The following TMEM163 variants were observed in gnomAD, a reference collection of about 807,000 sequenced individuals.
The protein encoded by TMEM163 is transmembrane protein 163.
Under a neutral mutation model 29.3 loss-of-function variants are expected in TMEM163, and 17 were observed. The observed-to-expected ratio is 0.58, with a 90% CI of 0.40 to 0.87. The LOEUF (loss-of-function observed/expected upper bound fraction) is 0.87. Ranked by LOEUF, TMEM163 falls within the 40% of genes least tolerant of loss-of-function variation. The pLI is 0.00. For synonymous variants in TMEM163, 157 were observed against 160.6 expected, an observed-to-expected ratio of 0.98 and a Z score of 0.17; for missense variants, 303 against 381.5, an observed-to-expected ratio of 0.79 and a Z score of 1.71.
At chr2:134,632,335 C>T (rs911451643) in intron 2 of TMEM163, among the ~76,000 whole-genome samples, 31 of 152,268 alleles carry the variant, frequency 2.0e-4, no homozygotes, top group Admixed American at 5.9e-4. Flanking sequence ...AACAACTGGG[C>T]TTTCAAGCAG....
chr2:134,541,870 A>G (rs1174249468), intron 4 of TMEM163, among the ~76,000 whole-genome samples: 6 of 152,140 alleles, frequency 3.9e-5, no homozygotes, highest in African/African-American at 1.4e-4. Flanking sequence ...ATAACAAGTG[A>G]GTTTCACTGT....
intron 1 of TMEM163, among the ~76,000 whole-genome samples, chr2:134,714,895 C>T (rs1034362274): frequency 6.6e-6 from 1 of 152,202 alleles, no homozygotes; most frequent in Non-Finnish European, 1.5e-5. Flanking sequence ...AAAAACCACA[C>T]TATTCCAGTT....
intron 4 of TMEM163, among the ~76,000 whole-genome samples, chr2:134,529,336 CA>C (rs987751172): frequency 8.6e-5 from 13 of 151,714 alleles, no homozygotes; most frequent in Non-Finnish European, 7.4e-5. Context: ...GTCTCAAAAA[CA>C]AAAACAAAAT....
chr2:134,649,840 C>A (rs926993741), intron 2 of TMEM163, among the ~76,000 whole-genome samples: 1 of 151,678 alleles, frequency 6.6e-6, no homozygotes, highest in Middle Eastern at 3.4e-3. Flanking sequence ...GTAGTGAACA[C>A]TTGCCTCTAC....
At chr2:134,537,857 C>T (rs2106501939) in intron 4 of TMEM163, among the ~76,000 whole-genome samples, 1 of 152,230 alleles carries the variant, frequency 6.6e-6, no homozygotes, top group South Asian at 2.1e-4. Context: ...GAACAATGAC[C>T]CACTACTTCA....
intron 5 of TMEM163, among the ~76,000 whole-genome samples, chr2:134,474,173 G>A (rs950439361): frequency 6.6e-6 from 1 of 152,160 alleles, no homozygotes; most frequent in Non-Finnish European, 1.5e-5. Context: ...ACCAAACGGG[G>A]TTTATCCTGG....
chr2:134,623,355 T>C (rs1038412636), intron 2 of TMEM163, among the ~76,000 whole-genome samples: 1 of 152,138 alleles, frequency 6.6e-6, no homozygotes, highest in Non-Finnish European at 1.5e-5. Context: ...AAGACTTCCA[T>C]TTATACTTTT....
intron 2 of TMEM163, among the ~76,000 whole-genome samples, chr2:134,595,243 C>T (rs1199887512): frequency 6.6e-6 from 1 of 152,014 alleles, no homozygotes; most frequent in South Asian, 2.1e-4. Context: ...AGGTATATCT[C>T]CTAATGCTAT....
intron 5 of TMEM163, chr2:134,466,455 G>A (rs1686671346): frequency 1.4e-5 from 7 of 489,456 alleles, no homozygotes; most frequent in Non-Finnish European, 2.6e-5. Flanking sequence ...AAACCATTAC[G>A]TATTTATTTT....
chr2:134,712,027 G>A (rs1178854607), intron 2 of TMEM163, among the ~76,000 whole-genome samples: 1 of 152,222 alleles, frequency 6.6e-6, no homozygotes, highest in Non-Finnish European at 1.5e-5. Context: ...GTGGGGGCAA[G>A]GGGAAGGAGT....
In TMEM163 at chr2:134,704,473, CGT is replaced by C. The variant is rs1684764550; in HGVS notation, c.322+8725_322+8726del. ...TGGAAGCCATCTCAGCTTCCAGGTC[CGT>C]GTGGGACAAGCCTCTAAGGCAACAA... is the stretch of plus-strand genomic sequence containing the variant. On this transcript the variant is annotated intron_variant, in intron 2 of 7. Coordinates refer to ENST00000281924, the MANE Select transcript of TMEM163 (RefSeq NM_030923.5). Among the ~76,000 whole-genome samples the C allele has an allele frequency of 1.3e-5, 2 of 152,138 alleles. 1 individual carries two copies. The highest frequency in any genetic ancestry group is 4.1e-4 in the South Asian group (2 of 4,822).
intron 4 of TMEM163, among the ~76,000 whole-genome samples, chr2:134,528,499 A>G (rs564499828): frequency 5.6e-4 from 86 of 152,332 alleles, no homozygotes; most frequent in South Asian, 1.2e-3. Flanking sequence ...CATTGTTATG[A>G]ATGAGATAGA....
chr2:134,564,866 A>G (rs138288951), intron 2 of TMEM163, among the ~76,000 whole-genome samples: 1 of 152,364 alleles, frequency 6.6e-6, no homozygotes, highest in East Asian at 1.9e-4. Context: ...TAAGGATGCA[A>G]TACAACTGAA....
chr2:134,535,269 AACACAC>A (rs368488266), intron 4 of TMEM163, among the ~76,000 whole-genome samples: 3 of 151,838 alleles, frequency 2.0e-5, no homozygotes, highest in Admixed American at 6.6e-5. Context: ...TCTCACTGAA[AACACAC>A]ACACACACAG....
At chr2:134,706,808 G>A (rs1026251942) in intron 2 of TMEM163, among the ~76,000 whole-genome samples, 2 of 152,112 alleles carry the variant, frequency 1.3e-5, no homozygotes, top group African/African-American at 4.8e-5. Flanking sequence ...AGATCATGAG[G>A]GACCTCGTGG....
intron 2 of TMEM163, among the ~76,000 whole-genome samples, chr2:134,672,326 G>T (rs1419937169): frequency 6.6e-6 from 1 of 152,168 alleles, no homozygotes; most frequent in Non-Finnish European, 1.5e-5. Flanking sequence ...ATGTCCCACA[G>T]GCTCTATGAT....
chr2:134,616,989 A>G lies in TMEM163; in HGVS notation c.323-64898T>C, dbSNP rs548621723. Among the ~76,000 whole-genome samples the G allele has an allele frequency of 2.6e-5, 4 of 152,368 alleles. No homozygotes were observed. The South Asian group carries it at 6.2e-4, about 24-fold the overall frequency. On this transcript the variant is annotated intron_variant, in intron 2 of 7. Transcript: ENST00000281924. Reference sequence around the variant, plus strand: ...ACTCCATATGGTAACATGAATGCACAGCAAGAGATAAAGAGTACTGGAAAT... The same window carrying G: ...ACTCCATATGGTAACATGAATGCACGGCAAGAGATAAAGAGTACTGGAAAT...
At chr2:134,483,293 T>C (rs1025625244) in intron 5 of TMEM163, among the ~76,000 whole-genome samples, 4 of 152,118 alleles carry the variant, frequency 2.6e-5, no homozygotes, top group African/African-American at 9.7e-5. Flanking sequence ...CTCCCTCCCC[T>C]GGTGGCCGTC....
intron 1 of TMEM163, among the ~76,000 whole-genome samples, chr2:134,715,980 C>T (rs1211430287): frequency 6.6e-6 from 1 of 152,138 alleles, no homozygotes; most frequent in African/African-American, 2.4e-5. Context: ...GGGAAAGGTA[C>T]AAATACATAT....
Sources: allele counts gnomAD v4.1 joint callset (sites outside exome capture counted in the v4.1 genomes callset), GRCh38; gene constraint gnomAD v4.1.1; transcripts MANE v1.5; gene names NCBI Gene and HGNC (gene_info 2026-07-23, HGNC 2026-07-21).